The following NRG1 variants were observed in gnomAD, a reference collection of about 807,000 sequenced individuals.
The protein encoded by NRG1 is neuregulin 1.
In NRG1, 18 loss-of-function variants were observed where a neutral mutation model predicts 63.8. The observed-to-expected ratio is 0.28, with a 90% CI of 0.19 to 0.42. NRG1 has a LOEUF of 0.42. Ranked by LOEUF, NRG1 falls within the 10% of genes least tolerant of loss-of-function variation. The probability of loss-of-function intolerance (pLI) is 1.00; values close to 1 mark genes in which losing one functional copy is unlikely to be tolerated. For synonymous variants in NRG1, 302 were observed against 301.3 expected, an observed-to-expected ratio of 1.00 and a Z score of -0.02; for missense variants, 762 against 814.7, an observed-to-expected ratio of 0.94 and a Z score of 0.79.
upstream of NRG1, chr8:32,548,094 C>A (rs36213230): frequency 1.5e-5 from 8 of 548,874 alleles, no homozygotes; most frequent in Non-Finnish European, 1.9e-5. Context: ...CCGCCACCCC[C>A]CGCCCGGCCA....
At chr8:32,337,563 G>GT (rs778462829) in intron 1 of NRG1, among the ~76,000 whole-genome samples, 6 of 143,908 alleles carry the variant, frequency 4.2e-5, no homozygotes, top group Non-Finnish European at 9.0e-5. Flanking sequence ...TAACACTAAT[G>GT]TTTCATTGAT....
intron 5 of NRG1, among the ~76,000 whole-genome samples, chr8:32,618,236 A>G (rs1277597153): frequency 6.6e-6 from 1 of 152,008 alleles, no homozygotes; most frequent in African/African-American, 2.4e-5. Context: ...GCAGAAGCAA[A>G]TACTAGGTTT....
At chr8:32,048,763 T>C (rs555077602) in intron 1 of NRG1, among the ~76,000 whole-genome samples, 2 of 152,134 alleles carry the variant, frequency 1.3e-5, no homozygotes, top group South Asian at 4.1e-4. Flanking sequence ...CACTTGTATG[T>C]CTTTTTTTGA....
intron 1 of NRG1, among the ~76,000 whole-genome samples, chr8:32,310,471 G>T (rs2129475900): frequency 6.6e-6 from 1 of 152,256 alleles, no homozygotes; most frequent in East Asian, 1.9e-4. Context: ...AGGAAATTTA[G>T]GGTTCAGATG....
intron 1 of NRG1, among the ~76,000 whole-genome samples, chr8:32,052,693 C>G (rs760665206): frequency 3.3e-5 from 5 of 152,000 alleles, no homozygotes; most frequent in Admixed American, 6.6e-5. Flanking sequence ...GAATGAGAAC[C>G]CTTAGTTTAC....
intron 1 of NRG1, among the ~76,000 whole-genome samples, chr8:32,057,702 C>G (rs560600071): frequency 1.6e-4 from 24 of 152,118 alleles, no homozygotes; most frequent in South Asian, 4.1e-4. Context: ...GAACTTTTCA[C>G]TTTTCCTGTG....
chr8:32,663,654 G>T (rs1253478435), intron 5 of NRG1, among the ~76,000 whole-genome samples: 2 of 152,000 alleles, frequency 1.3e-5, no homozygotes, highest in Non-Finnish European at 2.9e-5. Flanking sequence ...TCACTTTCTG[G>T]AAAGTAAAAA....
chr8:32,074,624 G>C (rs1189435546), intron 1 of NRG1, among the ~76,000 whole-genome samples: 2 of 152,108 alleles, frequency 1.3e-5, no homozygotes, highest in South Asian at 2.1e-4. Context: ...AGAGTATCTA[G>C]TTGATTTAGT....
chr8:31,818,764 T>A (rs1428523171), intron 1 of NRG1, among the ~76,000 whole-genome samples: 1 of 152,040 alleles, frequency 6.6e-6, no homozygotes, highest in East Asian at 1.9e-4. Context: ...TTCCACATGT[T>A]ATAAAAACTT....
chr8:31,999,750 T>C (rs1030662248), intron 1 of NRG1, among the ~76,000 whole-genome samples: 1 of 151,876 alleles, frequency 6.6e-6, no homozygotes, highest in Non-Finnish European at 1.5e-5. Context: ...CTTATAATCA[T>C]GTAAAGAAAC....
intron 1 of NRG1, among the ~76,000 whole-genome samples, chr8:32,371,294 C>T (rs116699976): frequency 8.5e-4 from 130 of 152,330 alleles, no homozygotes; most frequent in African/African-American, 3.0e-3. Context: ...AAGCCAAGTT[C>T]TATCAACATT....
At chr8:31,968,262 C>G (rs930235979) in intron 1 of NRG1, among the ~76,000 whole-genome samples, 1 of 152,140 alleles carries the variant, frequency 6.6e-6, no homozygotes, top group Non-Finnish European at 1.5e-5. Flanking sequence ...TCATCACTAG[C>G]TGTCAGGAGA....
intron 1 of NRG1, among the ~76,000 whole-genome samples, chr8:32,259,340 G>A (rs959390968): frequency 6.6e-6 from 1 of 152,056 alleles, no homozygotes; most frequent in South Asian, 2.1e-4. Context: ...TGCAGGAGTG[G>A]GTTAGTTATC....
At chr8:32,768,993 C>T (rs1831617961), downstream of NRG1, among the ~76,000 whole-genome samples, 1 of 152,068 alleles carries the variant, frequency 6.6e-6, no homozygotes, top group Non-Finnish European at 1.5e-5. Context: ...AATAAATTTT[C>T]AAAAATGCTT....
intron 5 of NRG1, chr8:32,647,907 G>T (rs766562052): frequency 6.2e-7 from 1 of 1,614,142 alleles, no homozygotes; most frequent in Admixed American, 1.7e-5. Context: ...GTGCCTAGAA[G>T]CTGAGCGCCT....
intron 1 of NRG1, among the ~76,000 whole-genome samples, chr8:31,887,394 T>A (rs1389655426): frequency 6.6e-6 from 1 of 152,106 alleles, no homozygotes; most frequent in African/African-American, 2.4e-5. Context: ...AATTTTCAGT[T>A]ATTATTATTT....
intron 1 of NRG1, among the ~76,000 whole-genome samples, chr8:32,543,058 T>C (rs1344975688): frequency 6.6e-6 from 1 of 152,180 alleles, no homozygotes; most frequent in Non-Finnish European, 1.5e-5. Context: ...TTCTGTTCTA[T>C]TTAGGTTCAT....
At chr8:32,431,406 C>G (rs1818133946) in intron 1 of NRG1, among the ~76,000 whole-genome samples, 2 of 152,182 alleles carry the variant, frequency 1.3e-5, no homozygotes, top group East Asian at 1.9e-4. Flanking sequence ...ACGTCCTGGT[C>G]CAGCACTTAT....
At chr8:31,763,415 T>C (rs1368711559) in intron 1 of NRG1, among the ~76,000 whole-genome samples, 1 of 152,212 alleles carries the variant, frequency 6.6e-6, no homozygotes, top group East Asian at 1.9e-4. Context: ...TAACAGTTTT[T>C]CTGTTGCATC....
Sources: allele counts gnomAD v4.1 joint callset (sites outside exome capture counted in the v4.1 genomes callset), GRCh38; gene constraint gnomAD v4.1.1; transcripts MANE v1.5; gene names NCBI Gene and HGNC (gene_info 2026-07-23, HGNC 2026-07-21).